IFIH1: variants seen among roughly 807,000 people sequenced by gnomAD.
IFIH1 encodes interferon-induced helicase C domain-containing protein 1.
IFIH1 carries 125 observed loss-of-function variants against 107.4 expected under a neutral mutation model. The observed-to-expected ratio is 1.16, with a 90% confidence interval of 1.01 to 1.35. The LOEUF (loss-of-function observed/expected upper bound fraction) is 1.35. IFIH1 is among the 40% of genes most tolerant of loss of function. The probability of loss-of-function intolerance (pLI) is 0.00; values close to 1 mark genes in which losing one functional copy is unlikely to be tolerated. For synonymous variants in IFIH1, 458 were observed against 413.2 expected (o/e 1.11, Z -1.31); for missense variants, 1,333 against 1,213.7 (o/e 1.10, Z -1.46).
At position 162,277,399 on chromosome 2, in the gene IFIH1, T is replaced by A. The variant is rs1682712147; in HGVS notation, c.2044+16A>T. On this transcript the variant is annotated intron_variant, in intron 10 of 15. Transcript: ENST00000649979. Reference sequence around the variant, plus strand: ...GGTAAATGAATGACACCAGTATATGTTACTTTGAATCTTACCAAAAAATAA... The same window carrying A: ...GGTAAATGAATGACACCAGTATATGATACTTTGAATCTTACCAAAAAATAA... 6.3e-7 allele frequency: 1 copy of A among 1,578,824 alleles called. No homozygotes were observed. The highest frequency in any genetic ancestry group is 8.7e-7 in the Non-Finnish European group (1 of 1,151,016).
intron 1 of IFIH1, among the ~76,000 whole-genome samples, chr2:162,314,401 T>TCCC (rs1558877386): frequency 1.0e-4 from 7 of 67,936 alleles, no homozygotes; most frequent in African/African-American, 7.9e-4. Flanking sequence ...CCTCCCTCCT[T>TCCC]TCTTTCTTTC....
intron 10 of IFIH1, among the ~76,000 whole-genome samples, 154 bp downstream of exon 10, chr2:162,277,261 A>G (rs1682706169): frequency 6.6e-6 from 1 of 152,186 alleles, no homozygotes; most frequent in Admixed American, 6.6e-5. Flanking sequence ...TACAACTGGT[A>G]GCTAATCTGG....
intron 1 of IFIH1, among the ~76,000 whole-genome samples, chr2:162,312,740 T>C (rs998231099): frequency 3.3e-5 from 5 of 152,196 alleles, no homozygotes; most frequent in African/African-American, 1.2e-4. Flanking sequence ...TTGTAACATC[T>C]TTATTATCAT....
Position 162,317,933 on chromosome 2 carries a change from C to A in IFIH1, c.375G>T (p.Leu125=). The A allele has an allele frequency of 6.2e-7, 1 of 1,614,054 alleles. No homozygotes were observed. The highest frequency in any genetic ancestry group is 8.5e-7 in the Non-Finnish European group (1 of 1,179,972). The change falls in exon 1 of 16, where the codon CTG becomes CTT. Residue 125 remains leucine, a synonymous_variant. Transcript: ENST00000649979. ...CGTCTCTAACTAGAAGCTTGTCCAC[C>A]AGAGTGGGCTGAAGGAGGTTCAGCA... ...LQLLNLLQPT[L]VDKLLVRDVL...
chr2:162,300,059 G>A (rs1379734856), intron 3 of IFIH1, among the ~76,000 whole-genome samples: 1 of 152,144 alleles, frequency 6.6e-6, no homozygotes, highest in African/African-American at 2.4e-5. Flanking sequence ...TCTTCATCCT[G>A]TAATATAGAT....
At position 162,278,172 on chromosome 2, in the gene IFIH1, A is replaced by T. The variant is rs4664053; in HGVS notation, c.1765+33T>A. 0.019 allele frequency: 30,114 copies of T among 1,575,632 alleles called. 2,424 individuals carry two copies. In the Admixed American group the frequency reaches 0.27, roughly 14 times the overall value. ...TCTAAAATCTTGGTATAAACATGGG[A>T]TAAACTAAGTGTTAGGTCCAAACCT... On this transcript the variant is annotated intron_variant, in intron 9 of 15. Transcript: ENST00000649979.
At chr2:162,282,305 A>T (rs1323930511) in intron 6 of IFIH1, 61 bp downstream of exon 6, 1 of 1,033,516 alleles carries the variant, frequency 9.7e-7, no homozygotes, top group African/African-American at 1.7e-5. Flanking sequence ...TAACAAATAC[A>T]GCCTTTGTTA....
chr2:162,274,399 T>A (rs984343354), intron 11 of IFIH1, among the ~76,000 whole-genome samples: 1 of 152,184 alleles, frequency 6.6e-6, no homozygotes, highest in African/African-American at 2.4e-5. Flanking sequence ...GCACACTGTA[T>A]ATGCATTTGG....
Position 162,267,239 on chromosome 2 carries a change from A to C in IFIH1, c.3039T>G (p.Leu1013=). ...WVELPITFPN[L]DYSECCLFSD... is the part of the protein sequence containing the mutation. ...TAAATAAACAGCATTCTGAATAGTCAAGATTGGGAAATGTGATAGGTAATT... is the reference window on the plus strand; with the variant it reads ...TAAATAAACAGCATTCTGAATAGTCCAGATTGGGAAATGTGATAGGTAATT... Residue 1013 remains leucine, a synonymous_variant, in exon 16 of 16, where the codon CTT becomes CTG. Coordinates refer to ENST00000649979, the MANE Select transcript of IFIH1 (RefSeq NM_022168.4). 1 of 1,606,232 alleles carries C rather than the reference A, an allele frequency of 6.2e-7. No individual in the cohort carries two copies. The highest frequency in any genetic ancestry group is 8.5e-7 in the Non-Finnish European group (1 of 1,178,114).
intron 3 of IFIH1, among the ~76,000 whole-genome samples, chr2:162,302,875 C>T (rs1399834066): frequency 6.6e-6 from 1 of 152,178 alleles, no homozygotes; most frequent in Non-Finnish European, 1.5e-5. Context: ...TTCAAATCCA[C>T]ATGAGAAATC....
chr2:162,289,342 A>G (rs1043200903), intron 4 of IFIH1, among the ~76,000 whole-genome samples: 1 of 151,688 alleles, frequency 6.6e-6, no homozygotes, highest in Non-Finnish European at 1.5e-5. Context: ...GATAGAATAT[A>G]TTTTATTTAG....
Position 162,282,341 on chromosome 2 carries a change from T to TA in IFIH1, c.1306+24dup, listed in dbSNP as rs58630208. The TA allele has an allele frequency of 0.033, 48,797 of 1,481,768 alleles. 3,955 individuals are homozygous for TA. The highest frequency in any genetic ancestry group is 0.28 in the Admixed American group (13,966 of 50,536). 91.8% of individuals were successfully genotyped at this position (1,481,768 alleles called of 1,614,324 possible). A position where few individuals can be genotyped will look rare whatever the true frequency, so the allele number is the denominator to read the frequency against. On this transcript the variant is annotated intron_variant, in intron 6 of 15. Transcript: ENST00000649979. ...TCATCAATATTACTATTAATTTTTTTAAAAAAATAAACACTTAAACTGACC... is the reference window on the plus strand; with the variant it reads ...TCATCAATATTACTATTAATTTTTTTAAAAAAAATAAACACTTAAACTGACC...
rs759418219 is a variant in IFIH1, at chr2:162,310,863, T to C, written c.524A>G (p.Glu175Gly). ...RELLKRIVQK[E>G]NWFSAFLNVL... ...ATTCAGAAATGCAGAGAACCAGTTT[T>C]CTTTCTGCACAATCCTTTTTAGTAG... Residue 175 changes from glutamate (E) to glycine (G), a missense_variant, in exon 2 of 16, where the codon GAA becomes GGA. Physicochemically the swap from Glu to Gly is moderately conservative, Grantham distance 98 (BLOSUM62 -2). Coordinates refer to ENST00000649979, the MANE Select transcript of IFIH1 (RefSeq NM_022168.4). 1 of 1,613,098 alleles carries C rather than the reference T, an allele frequency of 6.2e-7. No individual in the cohort carries two copies. Among genetic ancestry groups the C allele is most frequent in the South Asian group, 1.1e-5 (1 of 91,052 alleles).
At chr2:162,277,336 T>C in intron 10 of IFIH1, 79 bp downstream of exon 10, 1 of 1,005,456 alleles carries the variant, frequency 9.9e-7, no homozygotes, top group East Asian at 2.4e-5. Context: ...TTTCTCTTTT[T>C]GGAGAGCTTA....
intron 3 of IFIH1, among the ~76,000 whole-genome samples, chr2:162,302,209 A>C (rs1683205365): frequency 1.3e-5 from 2 of 152,166 alleles, no homozygotes; most frequent in African/African-American, 4.8e-5. Context: ...TTAAGGGGTA[A>C]AAGGTGCTAA....
chr2:162,277,380 T>G, intron 10 of IFIH1, 35 bp downstream of exon 10: 2 of 1,452,062 alleles, frequency 1.4e-6, no homozygotes, highest in African/African-American at 1.4e-5. Context: ...AAAAGGTAAA[T>G]GAATGACACC....
chr2:162,274,253 C>T (rs894284844), intron 11 of IFIH1, among the ~76,000 whole-genome samples: 9 of 152,104 alleles, frequency 5.9e-5, no homozygotes, highest in African/African-American at 1.4e-4. Context: ...GAGGAGCTGT[C>T]GGTTGAGAAG....
chr2:162,271,626 A>G (rs1004937416), intron 13 of IFIH1, among the ~76,000 whole-genome samples: 1 of 152,190 alleles, frequency 6.6e-6, no homozygotes, highest in African/African-American at 2.4e-5. Context: ...AAGAATTTCA[A>G]AAACTACTAA....
Position 162,268,180 on chromosome 2 carries a change from A to G in IFIH1, c.2714T>C (p.Phe905Ser), listed in dbSNP as rs371419955. ...TAGCACACTGCAGTTTTTGCAAAGGAAAGTTATTAGTGATGGGTTATTCTT... is the reference window on the plus strand; with the variant it reads ...TAGCACACTGCAGTTTTTGCAAAGGGAAGTTATTAGTGATGGGTTATTCTT... The part of the protein sequence containing the change: ...HYKNNPSLIT[F>S]LCKNCSVLAC... The change falls in exon 14 of 16, where the codon TTC becomes TCC. Residue 905 changes from phenylalanine to serine, a missense_variant. By Grantham distance (155) the Phe-to-Ser change is radical. Transcript: ENST00000649979. The G allele has an allele frequency of 3.7e-6, 6 of 1,613,418 alleles. No individual in the cohort carries two copies. In the African/African-American group the frequency reaches 4.0e-5, roughly 11 times the overall value.
Sources: allele counts gnomAD v4.1 joint callset (sites outside exome capture counted in the v4.1 genomes callset), GRCh38; gene constraint gnomAD v4.1.1; transcripts MANE v1.5; gene names NCBI Gene and HGNC (gene_info 2026-07-23, HGNC 2026-07-21).